Variants in UMAD1 observed in about 807,000 individuals in gnomAD.
UMAD1 encodes UBAP1-MVB12-associated (UMA) domain containing 1.
Under a neutral mutation model 6.1 loss-of-function variants are expected in UMAD1, and 8 were observed. That is an observed-to-expected ratio of 1.30 (90% CI 0.76 to 2.35). The LOEUF (loss-of-function observed/expected upper bound fraction) is 2.35, where lower values mean the gene tolerates loss of function less well. UMAD1 is among the 30% of genes most tolerant of loss of function. UMAD1 has a pLI of 0.00. For missense variants in UMAD1, 130 were observed against 78.4 expected (o/e 1.66, Z -2.49); for synonymous variants, 56 against 31.4 (o/e 1.78, Z -2.61).
At chr7:7,751,089 G>A (rs1563177666) in intron 2 of UMAD1, among the ~76,000 whole-genome samples, 1 of 152,100 alleles carries the variant, frequency 6.6e-6, no homozygotes, top group Non-Finnish European at 1.5e-5. Context: ...GCTTCTCTTT[G>A]TGTATATAGC....
intron 3 of UMAD1, among the ~76,000 whole-genome samples, chr7:7,859,362 A>C (rs1379728464): frequency 6.6e-6 from 1 of 152,238 alleles, no homozygotes; most frequent in African/African-American, 2.4e-5. Context: ...ATAATCAAGA[A>C]CAGTGTGAAG....
intron 2 of UMAD1, 90 bp downstream of exon 2, chr7:7,673,543 T>G: frequency 1.5e-6 from 1 of 647,288 alleles, no homozygotes; most frequent in Non-Finnish European, 2.7e-6. Context: ...TTAAATTATT[T>G]CTTATAATTT....
intron 2 of UMAD1, chr7:7,741,970 C>G: frequency 7.3e-6 from 2 of 273,214 alleles, no homozygotes; most frequent in Non-Finnish European, 1.4e-5. Flanking sequence ...AAAAATATTT[C>G]TTACCAACTG....
At chr7:7,755,555 T>C (rs1781760917) in intron 2 of UMAD1, among the ~76,000 whole-genome samples, 1 of 152,226 alleles carries the variant, frequency 6.6e-6, no homozygotes, top group Non-Finnish European at 1.5e-5. Flanking sequence ...GAAAAATCTC[T>C]CTGCTTCCTC....
At chr7:7,788,837 A>C (rs796148797) in intron 2 of UMAD1, among the ~76,000 whole-genome samples, 10 of 152,332 alleles carry the variant, frequency 6.6e-5, no homozygotes, top group African/African-American at 2.4e-4. Context: ...GAAGATTGAA[A>C]AATGTCCCAT....
intron 2 of UMAD1, among the ~76,000 whole-genome samples, chr7:7,720,712 T>TA (rs1182328747): frequency 6.6e-6 from 1 of 152,214 alleles, no homozygotes; most frequent in East Asian, 1.9e-4. Flanking sequence ...TAAACATTTT[T>TA]ATTAAAACAA....
At chr7:7,728,633 G>C (rs569756806) in intron 2 of UMAD1, among the ~76,000 whole-genome samples, 1 of 146,846 alleles carries the variant, frequency 6.8e-6, no homozygotes, top group Non-Finnish European at 1.5e-5. Context: ...GACAGAGTGA[G>C]ACTCCATCTT....
At chr7:7,811,456 A>G (rs559094167) in intron 3 of UMAD1, among the ~76,000 whole-genome samples, 15 of 152,334 alleles carry the variant, frequency 9.8e-5, no homozygotes, top group African/African-American at 3.6e-4. Flanking sequence ...TTGCTGGGTC[A>G]TATAACAAAA....
intron 3 of UMAD1, among the ~76,000 whole-genome samples, chr7:7,819,938 A>G (rs1783209628): frequency 6.6e-6 from 1 of 152,194 alleles, no homozygotes; most frequent in Non-Finnish European, 1.5e-5. Context: ...TACTCTGCCA[A>G]AGATTTGTGG....
chr7:7,767,712 C>G (rs2115238970), intron 2 of UMAD1, among the ~76,000 whole-genome samples: 1 of 152,206 alleles, frequency 6.6e-6, no homozygotes, highest in East Asian at 1.9e-4. Context: ...TGAGTTTAAG[C>G]CTCAAAATAA....
At chr7:7,845,665 T>C (rs547394616) in intron 3 of UMAD1, among the ~76,000 whole-genome samples, 76 of 152,134 alleles carry the variant, frequency 5.0e-4, no homozygotes, top group Non-Finnish European at 9.9e-4. Context: ...ATTTGAAATA[T>C]CAGTTATTAG....
chr7:7,877,671 G>A lies in UMAD1; in HGVS notation c.*133G>A, dbSNP rs1339719784. 4 of 602,534 alleles carry A rather than the reference G, an allele frequency of 6.6e-6. No homozygotes were observed. Among genetic ancestry groups the A allele is most frequent in the African/African-American group, 3.7e-5 (2 of 53,998 alleles). 37.3% of individuals were successfully genotyped at this position (602,534 alleles called of 1,614,324 possible). A position where few individuals can be genotyped will look rare whatever the true frequency, so the allele number is the denominator to read the frequency against. On this transcript the variant is annotated 3_prime_UTR_variant, in exon 4 of 4. Transcript: ENST00000682710. ...CATAAAGCAAAGAAAATAGCATTAT[G>A]TTCACTACTCTATTTTTAAGAAAAA...
chr7:7,793,398 G>A (rs1782608730), intron 2 of UMAD1, among the ~76,000 whole-genome samples: 1 of 152,120 alleles, frequency 6.6e-6, no homozygotes. Flanking sequence ...TAATGGTGTG[G>A]CCATTCCCCT....
chr7:7,809,569 CTT>C (rs898897924), intron 3 of UMAD1, among the ~76,000 whole-genome samples: 12 of 151,938 alleles, frequency 7.9e-5, no homozygotes, highest in Non-Finnish European at 1.3e-4. Context: ...TTTAAAATCT[CTT>C]TTAGCAATTT....
At chr7:7,662,676 C>T (rs191359070) in intron 1 of UMAD1, among the ~76,000 whole-genome samples, 338 of 152,240 alleles carry the variant, frequency 2.2e-3, no homozygotes, top group African/African-American at 7.5e-3. Flanking sequence ...TGAGATGAGC[C>T]GGGTACCTCA....
At chr7:7,653,568 T>C (rs926110649) in intron 1 of UMAD1, among the ~76,000 whole-genome samples, 1 of 152,244 alleles carries the variant, frequency 6.6e-6, no homozygotes, top group Non-Finnish European at 1.5e-5. Context: ...TAGGTGATCA[T>C]ACCCATTCAC....
intron 2 of UMAD1, among the ~76,000 whole-genome samples, chr7:7,769,856 G>T (rs1782067427): frequency 6.6e-6 from 1 of 152,104 alleles, no homozygotes; most frequent in African/African-American, 2.4e-5. Context: ...ATTGAGAGCT[G>T]TTGGTGATTT....
intron 2 of UMAD1, among the ~76,000 whole-genome samples, chr7:7,724,290 G>A (rs982202894): frequency 1.3e-5 from 2 of 152,154 alleles, no homozygotes; most frequent in Non-Finnish European, 2.9e-5. Context: ...CCTTATGGAG[G>A]TCAGGTAATT....
intron 2 of UMAD1, among the ~76,000 whole-genome samples, chr7:7,742,795 A>G (rs1781498194): frequency 6.6e-6 from 1 of 152,308 alleles, no homozygotes; most frequent in East Asian, 1.9e-4. Flanking sequence ...TCTGATATTG[A>G]TGCTTTATTT....
Sources: gnomAD v4.1 joint callset for allele counts (sites outside exome capture counted in the v4.1 genomes callset) on GRCh38, gnomAD v4.1.1 for gene constraint, MANE v1.5 for transcripts, NCBI Gene and HGNC (gene_info 2026-07-23, HGNC 2026-07-21) for gene names.